Variants in NRG3 observed in about 807,000 individuals in gnomAD.
NRG3 encodes the protein neuregulin 3.
A neutral mutation model predicts 66.9 loss-of-function variants in NRG3; 31 were observed. The observed-to-expected ratio is 0.46, with a 90% CI of 0.35 to 0.63. NRG3 has a LOEUF of 0.63. Among genes scored for constraint, NRG3 ranks in the 20% least tolerant of loss-of-function variants. The pLI is 0.00. For synonymous variants in NRG3, 393 were observed against 359.4 expected (o/e 1.09, Z -1.06); for missense variants, 910 against 878.9 (o/e 1.04, Z -0.45).
chr10:82,672,966 G>A (rs943127939), intron 2 of NRG3, among the ~76,000 whole-genome samples: 2 of 152,190 alleles, frequency 1.3e-5, no homozygotes, highest in East Asian at 1.9e-4. Context: ...GGCCAGGCTG[G>A]CCTCAGACTC....
intron 1 of NRG3, among the ~76,000 whole-genome samples, chr10:81,991,787 A>G (rs746091094): frequency 6.6e-5 from 10 of 152,162 alleles, no homozygotes; most frequent in Non-Finnish European, 1.2e-4. Flanking sequence ...ACATTTTGCT[A>G]TTACTTTTCT....
chr10:82,499,073 G>A (rs1362481644), intron 2 of NRG3, among the ~76,000 whole-genome samples: 1 of 152,118 alleles, frequency 6.6e-6, no homozygotes, highest in Non-Finnish European at 1.5e-5. Flanking sequence ...GACACTGGTG[G>A]TTCTCAGTGG....
chr10:82,256,579 T>G (rs1221075734), intron 1 of NRG3, among the ~76,000 whole-genome samples: 1 of 152,192 alleles, frequency 6.6e-6, no homozygotes, highest in Non-Finnish European at 1.5e-5. Context: ...TTGCTCTCTA[T>G]CCTGCTGCTC....
At position 82,149,707 on chromosome 10, in the gene NRG3, GTT is replaced by G. The variant is rs11345621; in HGVS notation, c.824-209019_824-209018del. On this transcript the variant is annotated intron_variant, in intron 1 of 8. Coordinates refer to ENST00000372141, the MANE Select transcript of NRG3 (RefSeq NM_001010848.4). ...GGATGCTGGGAATTTAGAAAGCTCT[GTT>G]TTTTTTTTTTTTCTAAAGCCTCCCA... Among the ~76,000 whole-genome samples, 294 of 141,532 alleles carry G rather than the reference GTT, an allele frequency of 2.1e-3. 1 individual carries two copies. Among genetic ancestry groups the G allele is most frequent in the South Asian group, 0.014 (63 of 4,464 alleles). The allele number at this position is 141,532 out of a possible 152,430, so 92.9% of individuals were successfully genotyped here. A position where few individuals can be genotyped will look rare whatever the true frequency, so the allele number is the denominator to read the frequency against.
intron 2 of NRG3, among the ~76,000 whole-genome samples, chr10:82,731,208 A>T (rs1263761822): frequency 1.3e-5 from 2 of 151,880 alleles, no homozygotes; most frequent in Non-Finnish European, 2.9e-5. Flanking sequence ...CTCTACTAAA[A>T]ATACAAAACT....
Position 82,439,682 on chromosome 10 carries a change from T to C in NRG3, c.953+80814T>C, listed in dbSNP as rs532810404. Among the ~76,000 whole-genome samples, 3 of 152,126 alleles carry C rather than the reference T, an allele frequency of 2.0e-5. No individual in the cohort carries two copies. The South Asian group carries it at 6.2e-4, about 32-fold the overall frequency. On this transcript the variant is annotated intron_variant, in intron 2 of 8. Coordinates refer to ENST00000372141, the MANE Select transcript of NRG3 (RefSeq NM_001010848.4). ...TAATTGTGAATGGGAAGTCCTGATT[T>C]CTATTTTACTTTTTAAAATTAATTA... is the stretch of plus-strand genomic sequence containing the variant.
chr10:82,359,074 C>A (rs993728638), intron 2 of NRG3, among the ~76,000 whole-genome samples: 1 of 152,300 alleles, frequency 6.6e-6, no homozygotes, highest in African/African-American at 2.4e-5. Flanking sequence ...AAAGTAGTTA[C>A]GGTTTAAGTT....
intron 2 of NRG3, among the ~76,000 whole-genome samples, chr10:82,537,102 G>A (rs1373193206): frequency 6.6e-6 from 1 of 151,920 alleles, no homozygotes; most frequent in African/African-American, 2.4e-5. Context: ...TGCATGTAAT[G>A]TTCACCTCAT....
At chr10:82,320,775 G>C (rs1303710448) in intron 1 of NRG3, among the ~76,000 whole-genome samples, 1 of 152,116 alleles carries the variant, frequency 6.6e-6, no homozygotes, top group Non-Finnish European at 1.5e-5. Flanking sequence ...CCCAAGCCTA[G>C]AAACCTGTGG....
At chr10:82,525,450 C>T (rs144179313) in intron 2 of NRG3, among the ~76,000 whole-genome samples, 1,739 of 151,856 alleles carry the variant, frequency 0.011, 33 homozygotes, top group African/African-American at 0.038. Flanking sequence ...AATCAGCTTT[C>T]GTATTCATTT....
At chr10:82,387,757 A>G (rs2086102403) in intron 2 of NRG3, among the ~76,000 whole-genome samples, 1 of 152,202 alleles carries the variant, frequency 6.6e-6, no homozygotes, top group African/African-American at 2.4e-5. Context: ...TTCCATTAAA[A>G]ATGTAAGTTC....
chr10:82,682,684 T>C (rs1228838641), intron 2 of NRG3, among the ~76,000 whole-genome samples: 1 of 152,198 alleles, frequency 6.6e-6, no homozygotes, highest in African/African-American at 2.4e-5. Flanking sequence ...AAATATGTTA[T>C]GTTTGCAAAC....
chr10:82,583,210 A>G (rs910690528), intron 2 of NRG3, among the ~76,000 whole-genome samples: 2 of 152,212 alleles, frequency 1.3e-5, no homozygotes, highest in Non-Finnish European at 2.9e-5. Flanking sequence ...GTAAATGCCT[A>G]AAATATCTGT....
At chr10:81,910,725 G>GT (rs1845055135) in intron 1 of NRG3, among the ~76,000 whole-genome samples, 2 of 152,086 alleles carry the variant, frequency 1.3e-5, no homozygotes, top group South Asian at 4.1e-4. Flanking sequence ...ATAGCTCACT[G>GT]TATCCTCAAA....
At chr10:82,696,312 C>A (rs1292213726) in intron 2 of NRG3, among the ~76,000 whole-genome samples, 1 of 151,994 alleles carries the variant, frequency 6.6e-6, no homozygotes, top group Non-Finnish European at 1.5e-5. Context: ...CATTCATTGA[C>A]AAATTTGTAA....
intron 2 of NRG3, among the ~76,000 whole-genome samples, chr10:82,459,746 T>C (rs1838324319): frequency 6.6e-6 from 1 of 152,234 alleles, no homozygotes; most frequent in Admixed American, 6.5e-5. Context: ...CCTCAGCTTC[T>C]GCCAGCCATG....
At chr10:82,770,800 A>C (rs1165934571) in intron 3 of NRG3, among the ~76,000 whole-genome samples, 2 of 152,112 alleles carry the variant, frequency 1.3e-5, no homozygotes, top group Non-Finnish European at 2.9e-5. Flanking sequence ...TGGAGCAAAA[A>C]ATGGAACTCT....
intron 1 of NRG3, among the ~76,000 whole-genome samples, chr10:82,168,603 T>G (rs1213435414): frequency 6.6e-6 from 1 of 152,182 alleles, no homozygotes. Flanking sequence ...AGTCCTCACC[T>G]GTGAATGATA....
intron 1 of NRG3, among the ~76,000 whole-genome samples, chr10:81,923,163 T>G (rs1451657264): frequency 6.6e-6 from 1 of 152,198 alleles, no homozygotes; most frequent in Non-Finnish European, 1.5e-5. Context: ...TTAATGAGAT[T>G]AGAATTTCAC....
Sources: allele counts gnomAD v4.1 joint callset (sites outside exome capture counted in the v4.1 genomes callset), GRCh38; gene constraint gnomAD v4.1.1; transcripts MANE v1.5; gene names NCBI Gene and HGNC (gene_info 2026-07-23, HGNC 2026-07-21).